The following PREX2 variants were observed in gnomAD, a reference collection of about 807,000 sequenced individuals.
PREX2 encodes the protein phosphatidylinositol-3,4,5-trisphosphate dependent Rac exchange factor 2.
Under a neutral mutation model 203.2 loss-of-function variants are expected in PREX2, and 107 were observed. The observed-to-expected ratio is 0.53, with a 90% CI of 0.45 to 0.62. The LOEUF (loss-of-function observed/expected upper bound fraction) is 0.62. Ranked by LOEUF, PREX2 falls within the 20% of genes least tolerant of loss-of-function variation. The probability of loss-of-function intolerance (pLI) is 0.00; values close to 1 mark genes in which losing one functional copy is unlikely to be tolerated. For synonymous variants in PREX2, 672 were observed against 663.6 expected (o/e 1.01, Z -0.19); for missense variants, 1,777 against 1,955.9 (o/e 0.91, Z 1.72).
At chr8:68,124,383 C>T (rs766957784) in intron 30 of PREX2, among the ~76,000 whole-genome samples, 17 of 152,004 alleles carry the variant, frequency 1.1e-4, no homozygotes, top group Non-Finnish European at 2.4e-4. Flanking sequence ...CAAACTAACA[C>T]AGGAAGAGAA....
rs563901098 is a variant in PREX2 at position 68,203,187 on chromosome 8, G to T, written c.4604+10662G>T. 2.0e-3 allele frequency among the ~76,000 whole-genome samples: 311 copies of T among 152,304 alleles called. 2 individuals carry two copies. Among genetic ancestry groups the T allele is most frequent in the Non-Finnish European group, 3.4e-3 (232 of 68,040 alleles). On this transcript the variant is annotated intron_variant, in intron 37 of 39. Coordinates refer to ENST00000288368, the MANE Select transcript of PREX2 (RefSeq NM_024870.4). ...TCAGTGCCTACTGAAGCACTGAAAA[G>T]AATTAGTGCTTTACCAGCTGTCTGG...
chr8:68,061,830 AG>A (rs1184242465), intron 11 of PREX2, among the ~76,000 whole-genome samples: 2 of 152,188 alleles, frequency 1.3e-5, no homozygotes, highest in Non-Finnish European at 2.9e-5. Flanking sequence ...AATCATTTCA[AG>A]GGAGTACTAG....
intron 7 of PREX2, among the ~76,000 whole-genome samples, chr8:68,043,428 C>A (rs1372505083): frequency 1.3e-5 from 2 of 152,088 alleles, no homozygotes; most frequent in Non-Finnish European, 2.9e-5. Flanking sequence ...AGTGTGATAG[C>A]ATCTGAAGAT....
At chr8:68,006,235 A>G (rs905745247) in intron 1 of PREX2, among the ~76,000 whole-genome samples, 1 of 152,146 alleles carries the variant, frequency 6.6e-6, no homozygotes, top group Non-Finnish European at 1.5e-5. Context: ...ATGGTCTGGA[A>G]TTAGTTTTGC....
In PREX2 at chr8:68,065,743, A is replaced by G. The variant is rs576466844; in HGVS notation, c.1340-3290A>G. On this transcript the variant is annotated intron_variant, in intron 11 of 39. Transcript: ENST00000288368. ...AAATTATCTCTTCTACAAATGTTGC[A>G]TTCCCTGTAAAGAAAATATTTAAAT... Among the ~76,000 whole-genome samples, 26 of 152,318 alleles carry G rather than the reference A, an allele frequency of 1.7e-4. No individual in the cohort carries two copies. The East Asian group carries it at 4.2e-3, about 25-fold the overall frequency.
At chr8:68,129,723 T>C (rs1002585877) in intron 31 of PREX2, among the ~76,000 whole-genome samples, 1 of 152,090 alleles carries the variant, frequency 6.6e-6, no homozygotes, top group Non-Finnish European at 1.5e-5. Context: ...ATTTAAAACA[T>C]GTGTTAGAAG....
At chr8:68,011,433 A>T (rs992322429) in intron 1 of PREX2, among the ~76,000 whole-genome samples, 8 of 54,054 alleles carry the variant, frequency 1.5e-4, no homozygotes, top group South Asian at 6.5e-4. Context: ...CTTTGTATTT[A>T]AAAAAAAACA....
At chr8:68,098,684 G>T (rs577444478) in intron 22 of PREX2, among the ~76,000 whole-genome samples, 1 of 150,430 alleles carries the variant, frequency 6.6e-6, no homozygotes, top group African/African-American at 2.4e-5. Context: ...TACACATGAA[G>T]AAAAAACAGT....
chr8:68,076,636 T>C (rs1198965177), intron 14 of PREX2, among the ~76,000 whole-genome samples: 1 of 147,182 alleles, frequency 6.8e-6, no homozygotes, highest in East Asian at 2.1e-4. Flanking sequence ...AAAAATGAGA[T>C]AATATGTGAG....
intron 38 of PREX2, among the ~76,000 whole-genome samples, chr8:68,218,189 C>T (rs1365257776): frequency 6.6e-6 from 1 of 152,130 alleles, no homozygotes; most frequent in Non-Finnish European, 1.5e-5. Context: ...GGATAAAGCA[C>T]TTACCTCAAA....
At position 68,214,775 on chromosome 8, in the gene PREX2, A is replaced by G. The variant is rs983633777; in HGVS notation, c.4605-2841A>G. 3.3e-5 allele frequency among the ~76,000 whole-genome samples: 5 copies of G among 152,192 alleles called. No homozygotes were observed. In the South Asian group the frequency reaches 8.3e-4, roughly 25 times the overall value. On this transcript the variant is annotated intron_variant, in intron 37 of 39. Transcript: ENST00000288368. ...CGCATGCTTAGTTTAGGAAAATAGA[A>G]TTCTGTGATGCTGTGAGTGGAAATA...
At chr8:68,204,678 CTTTTTTTTTTTTTTTTTT>C (rs1192583427) in intron 37 of PREX2, among the ~76,000 whole-genome samples, 1 of 83,426 alleles carries the variant, frequency 1.2e-5, no homozygotes. Flanking sequence ...TTTCTTCTTT[CTTTTTTTTTTTTTTTTTT>C]TTTTTTGAGA....
At chr8:68,023,656 C>T (rs770262896) in intron 4 of PREX2, among the ~76,000 whole-genome samples, 7 of 151,786 alleles carry the variant, frequency 4.6e-5, no homozygotes, top group South Asian at 2.1e-4. Flanking sequence ...CTGTTATGAC[C>T]GTGTTTTTTT....
rs1807852364 is a variant in PREX2 at position 68,030,538 on chromosome 8, A to G, written c.585A>G (p.Ala195=). 3 of 1,613,654 alleles carry G rather than the reference A, an allele frequency of 1.9e-6. No homozygotes were observed. The highest frequency in any genetic ancestry group is 1.7e-5 in the Admixed American group (1 of 59,974). ...KRTPRKHSDY[A]AVMEALQAMK... is the part of the protein sequence containing the mutation. ...CTCCACGGAAACACAGTGACTATGC[A>G]GCAGTGATGGAAGCCCTCCAAGCCA... Residue 195 remains alanine, a synonymous_variant, in exon 6 of 40, where the codon GCA becomes GCG. Transcript: ENST00000288368.
chr8:68,083,420 A>G (rs1440360786), intron 18 of PREX2, 32 bp downstream of exon 18: 3 of 1,510,728 alleles, frequency 2.0e-6, no homozygotes, highest in African/African-American at 1.4e-5. Flanking sequence ...TGATTTTTTA[A>G]AAGTTATACA....
intron 25 of PREX2, among the ~76,000 whole-genome samples, chr8:68,114,577 T>C (rs1417296194): frequency 1.3e-5 from 2 of 152,214 alleles, no homozygotes; most frequent in Non-Finnish European, 2.9e-5. Flanking sequence ...AGCCAAATGT[T>C]CAAGCCTAGA....
chr8:68,129,676 A>G (rs969272557), intron 31 of PREX2, among the ~76,000 whole-genome samples: 2 of 152,112 alleles, frequency 1.3e-5, no homozygotes, highest in African/African-American at 4.8e-5. Flanking sequence ...CTAATTACAG[A>G]TCTTAAACTT....
At chr8:67,962,375 T>C (rs888477932) in intron 1 of PREX2, among the ~76,000 whole-genome samples, 1 of 152,038 alleles carries the variant, frequency 6.6e-6, no homozygotes, top group African/African-American at 2.4e-5. Flanking sequence ...TTCCAAAGCC[T>C]TATTTCTATC....
In PREX2 at chr8:68,026,168, G is replaced by T. The variant is rs1048902665; in HGVS notation, c.442-1054G>T. Among the ~76,000 whole-genome samples the T allele has an allele frequency of 2.0e-5, 3 of 152,072 alleles. No individual in the cohort carries two copies. The South Asian group carries it at 6.2e-4, about 32-fold the overall frequency. ...TGCTGCTATGCTTTCTGAGGTGTCT[G>T]GGTGAAGTTACATTCAGAGTGCTGA... is the stretch of plus-strand genomic sequence containing the variant. On this transcript the variant is annotated intron_variant, in intron 4 of 39. Coordinates refer to ENST00000288368, the MANE Select transcript of PREX2 (RefSeq NM_024870.4).
Sources: gnomAD v4.1 joint callset for allele counts (sites outside exome capture counted in the v4.1 genomes callset) on GRCh38, gnomAD v4.1.1 for gene constraint, MANE v1.5 for transcripts, NCBI Gene and HGNC (gene_info 2026-07-23, HGNC 2026-07-21) for gene names.